Variants in TACC1 observed in about 807,000 individuals in gnomAD.
TACC1 encodes the protein transforming acidic coiled-coil containing protein 1.
In TACC1, 48 loss-of-function variants were observed where a neutral mutation model predicts 84.4. That is an observed-to-expected ratio of 0.57 (90% CI 0.45 to 0.72). The LOEUF (loss-of-function observed/expected upper bound fraction) is 0.72, where lower values mean the gene tolerates loss of function less well. TACC1 is among the 30% of genes least tolerant of loss of function. TACC1 has a pLI of 0.00. For missense variants in TACC1, 920 were observed against 973.0 expected (o/e 0.95, Z 0.72); for synonymous variants, 372 against 376.3 (o/e 0.99, Z 0.13).
intron 2 of TACC1, among the ~76,000 whole-genome samples, chr8:38,810,215 A>G (rs755081932): frequency 6.6e-6 from 1 of 152,106 alleles, no homozygotes; most frequent in African/African-American, 2.4e-5. Context: ...TGATGTAATT[A>G]TCAATAATAT....
rs1341259355 is a variant in TACC1, at chr8:38,820,111, T to G, written c.867T>G (p.Pro289=). 1 of 1,614,100 alleles carries G rather than the reference T, an allele frequency of 6.2e-7. No individual in the cohort carries two copies. The highest frequency in any genetic ancestry group is 8.5e-7 in the Non-Finnish European group (1 of 1,180,008). The change falls in exon 3 of 13, where the codon CCT becomes CCG. Residue 289 remains proline, a synonymous_variant. Coordinates refer to ENST00000317827, the MANE Select transcript of TACC1 (RefSeq NM_006283.3). ...LGDARFQKSP[P]DLKETPGTLS... ...ATGCCAGGTTCCAGAAGTCTCCCCC[T>G]GACCTTAAAGAAACTCCCGGCACTC...
intron 3 of TACC1, among the ~76,000 whole-genome samples, chr8:38,769,552 G>A (rs1369003791): frequency 6.8e-6 from 1 of 146,678 alleles, no homozygotes; most frequent in Non-Finnish European, 1.5e-5. Context: ...TGGGTTGGGG[G>A]TGGGAGTGTG....
chr8:38,823,291 G>A lies in TACC1; in HGVS notation c.1392-2017G>A, dbSNP rs1352998289. Among the ~76,000 whole-genome samples the A allele has an allele frequency of 3.9e-5, 6 of 152,288 alleles. No individual in the cohort carries two copies. The East Asian group carries it at 9.6e-4, about 24-fold the overall frequency. On this transcript the variant is annotated intron_variant, in intron 3 of 12. Transcript: ENST00000317827. ...ATTATATATAAGCAGTTAAATGGTT[G>A]TTGGAAAATATTATTGATTGGGTGC... is the stretch of plus-strand genomic sequence containing the variant.
intron 2 of TACC1, among the ~76,000 whole-genome samples, chr8:38,798,336 G>C (rs1422020081): frequency 6.6e-6 from 1 of 152,076 alleles, no homozygotes; most frequent in Non-Finnish European, 1.5e-5. Context: ...TTGGAAATTT[G>C]AAGTGCTTTC....
intron 2 of TACC1, among the ~76,000 whole-genome samples, chr8:38,793,570 C>A (rs1051299394): frequency 2.6e-5 from 4 of 151,466 alleles, no homozygotes; most frequent in African/African-American, 7.3e-5. Flanking sequence ...TAAAAAAAAA[C>A]AAAACAAAAT....
intron 2 of TACC1, among the ~76,000 whole-genome samples, chr8:38,795,496 G>C (rs1442733626): frequency 6.6e-6 from 1 of 152,176 alleles, no homozygotes. Context: ...AAATTATATT[G>C]CTGCCATGTA....
chr8:38,773,081 A>C (rs1487420178), intron 3 of TACC1, among the ~76,000 whole-genome samples: 1 of 152,092 alleles, frequency 6.6e-6, no homozygotes, highest in Non-Finnish European at 1.5e-5. Flanking sequence ...TAATCCTAGC[A>C]CTTTGGGAGG....
At chr8:38,768,169 A>G (rs1812648103) in intron 3 of TACC1, among the ~76,000 whole-genome samples, 1 of 151,992 alleles carries the variant, frequency 6.6e-6, no homozygotes, top group South Asian at 2.1e-4. Context: ...AAGGAGGACA[A>G]AATTGACTTT....
chr8:38,825,490 G>T lies in TACC1; in HGVS notation c.1452+122G>T. 5.1e-6 allele frequency: 5 copies of T among 985,772 alleles called. No individual in the cohort carries two copies. In the Admixed American group the frequency reaches 8.2e-5, roughly 16 times the overall value. 61.1% of individuals were successfully genotyped at this position (985,772 alleles called of 1,614,324 possible). A position where few individuals can be genotyped will look rare whatever the true frequency, so the allele number is the denominator to read the frequency against. On this transcript the variant is annotated intron_variant, in intron 4 of 12. Coordinates refer to ENST00000317827, the MANE Select transcript of TACC1 (RefSeq NM_006283.3). ...TGGGTACCTGAGTACTCAGCTTTAA[G>T]AAGCCAATTTCCAGATCCTTACTGT... is the stretch of plus-strand genomic sequence containing the variant.
chr8:38,840,338 A>T, intron 9 of TACC1, 71 bp downstream of exon 9: 9 of 1,378,020 alleles, frequency 6.5e-6, no homozygotes, highest in Middle Eastern at 1.8e-4. Context: ...GCCTGGTATA[A>T]CAAAATATGT....
At chr8:38,802,667 A>G (rs901810158) in intron 2 of TACC1, among the ~76,000 whole-genome samples, 1 of 152,254 alleles carries the variant, frequency 6.6e-6, no homozygotes, top group Non-Finnish European at 1.5e-5. Flanking sequence ...TAGTAGAAGC[A>G]TGGCACAGGC....
rs931119240 is a variant in TACC1, at chr8:38,852,310, A to G, written c.*4287A>G. 1 of 207,604 alleles carries G rather than the reference A, an allele frequency of 4.8e-6. No homozygotes were observed. Among genetic ancestry groups the G allele is most frequent in the Non-Finnish European group, 1.0e-5 (1 of 99,020 alleles). 12.9% of individuals were successfully genotyped at this position (207,604 alleles called of 1,614,324 possible). A position where few individuals can be genotyped will look rare whatever the true frequency, so the allele number is the denominator to read the frequency against. ...TTCTAATATGGAGATGTTGTGTGCA[A>G]TGCTGGCCTGTGGTGGTCTGTGTAA... On this transcript the variant is annotated 3_prime_UTR_variant, in exon 13 of 13. Transcript: ENST00000317827.
At chr8:38,832,503 C>T (rs1829460152) in intron 6 of TACC1, among the ~76,000 whole-genome samples, 1 of 152,154 alleles carries the variant, frequency 6.6e-6, no homozygotes, top group African/African-American at 2.4e-5. Context: ...GAAATTTCAC[C>T]ATGCAAAACA....
At chr8:38,796,006 A>G (rs979061347) in intron 2 of TACC1, among the ~76,000 whole-genome samples, 2 of 152,252 alleles carry the variant, frequency 1.3e-5, no homozygotes, top group African/African-American at 4.8e-5. Flanking sequence ...TTCTTATATC[A>G]TAGCTGGAAA....
At chr8:38,789,263 C>A (rs979010661) in intron 2 of TACC1, among the ~76,000 whole-genome samples, 3 of 152,134 alleles carry the variant, frequency 2.0e-5, no homozygotes, top group Non-Finnish European at 2.9e-5. Context: ...CACTTCCATG[C>A]AGGGATGTGG....
intron 3 of TACC1, among the ~76,000 whole-genome samples, chr8:38,781,083 T>C (rs1815851416): frequency 6.6e-6 from 1 of 152,156 alleles, no homozygotes; most frequent in Admixed American, 6.5e-5. Context: ...GGACCTTTTC[T>C]CCCCACATCC....
intron 2 of TACC1, among the ~76,000 whole-genome samples, chr8:38,806,521 C>G (rs971012700): frequency 6.6e-6 from 1 of 151,674 alleles, no homozygotes; most frequent in African/African-American, 2.4e-5. Flanking sequence ...AAAATAAATT[C>G]CATCCCTCTG....
chr8:38,843,416 A>T (rs549843483), intron 11 of TACC1, 21 bp downstream of exon 11: 1 of 1,548,242 alleles, frequency 6.5e-7, no homozygotes, highest in Non-Finnish European at 8.8e-7. Context: ...GTAAATGTTG[A>T]ATTTCACTCT....
intron 3 of TACC1, among the ~76,000 whole-genome samples, chr8:38,751,226 G>A (rs1361843227): frequency 3.3e-5 from 5 of 152,170 alleles, no homozygotes; most frequent in Admixed American, 6.5e-5. Context: ...TGAACATAAG[G>A]TTTGTAATCA....
Sources: allele counts gnomAD v4.1 joint callset (sites outside exome capture counted in the v4.1 genomes callset), GRCh38; gene constraint gnomAD v4.1.1; transcripts MANE v1.5; gene names NCBI Gene and HGNC (gene_info 2026-07-23, HGNC 2026-07-21).